Variants in EIPR1 observed in about 807,000 individuals in gnomAD.
EIPR1 encodes the protein EARP and GARP complex-interacting protein 1.
Under a neutral mutation model 48.1 loss-of-function variants are expected in EIPR1, and 25 were observed. That is an observed-to-expected ratio of 0.52 (90% CI 0.38 to 0.73). EIPR1 has a LOEUF of 0.73. Among genes scored for constraint, EIPR1 ranks in the 30% least tolerant of loss-of-function variants. The probability of loss-of-function intolerance (pLI) is 0.00; values close to 1 mark genes in which losing one functional copy is unlikely to be tolerated. For synonymous variants in EIPR1, 204 were observed against 201.9 expected, an observed-to-expected ratio of 1.01 and a Z score of -0.09; for missense variants, 415 against 506.2, an observed-to-expected ratio of 0.82 and a Z score of 1.73.
intron 3 of EIPR1, among the ~76,000 whole-genome samples, chr2:3,264,134 A>G (rs1278319500): frequency 6.6e-6 from 1 of 152,138 alleles, no homozygotes; most frequent in East Asian, 1.9e-4. Flanking sequence ...TTTCACCAAC[A>G]TCTCCCTTTT....
Position 3,214,283 on chromosome 2 carries a change from A to C in EIPR1, c.417-35T>G, listed in dbSNP as rs748961967. On this transcript the variant is annotated intron_variant, in intron 4 of 8. Coordinates refer to ENST00000382125, the MANE Select transcript of EIPR1 (RefSeq NM_003310.5). ...AGAGAAGTACCAAATGTTAACATAA[A>C]CATTTGAGATACCCAGGCTGGTAGG... 4 of 1,586,042 alleles carry C rather than the reference A, an allele frequency of 2.5e-6. No individual in the cohort carries two copies. In the South Asian group the frequency reaches 4.4e-5, roughly 18 times the overall value.
chr2:3,220,919 C>T (rs535518641), intron 4 of EIPR1, among the ~76,000 whole-genome samples: 11 of 149,914 alleles, frequency 7.3e-5, no homozygotes, highest in African/African-American at 2.7e-4. Flanking sequence ...CACACAATGG[C>T]CATGGTACAT....
intron 5 of EIPR1, among the ~76,000 whole-genome samples, chr2:3,204,255 G>A (rs1047612621): frequency 3.3e-5 from 5 of 152,310 alleles, no homozygotes; most frequent in South Asian, 2.1e-4. Context: ...GCAGAAACAG[G>A]ATCTGTCACC....
In EIPR1 at chr2:3,377,796, C is replaced by A. The variant is rs1372678348; in HGVS notation, c.-107G>T. The A allele has an allele frequency of 1.5e-6, 2 of 1,351,478 alleles. No homozygotes were observed. Among genetic ancestry groups the A allele is most frequent in the Non-Finnish European group, 2.0e-6 (2 of 979,800 alleles). 83.7% of individuals were successfully genotyped at this position (1,351,478 alleles called of 1,614,324 possible). A position where few individuals can be genotyped will look rare whatever the true frequency, so the allele number is the denominator to read the frequency against. ...GTTCCCAGCGCCCATTCATTCCCTC[C>A]CCGCAGCAAACGACTCCAAACTGGA... is the stretch of plus-strand genomic sequence containing the variant. On this transcript the variant is annotated 5_prime_UTR_variant, in exon 1 of 9. Coordinates refer to ENST00000382125, the MANE Select transcript of EIPR1 (RefSeq NM_003310.5).
intron 7 of EIPR1, among the ~76,000 whole-genome samples, chr2:3,193,743 A>T (rs968496614): frequency 3.3e-5 from 5 of 152,236 alleles, no homozygotes; most frequent in African/African-American, 1.2e-4. Context: ...ATCTGTGCAC[A>T]TTTATTTTTG....
chr2:3,320,067 A>G (rs897482939), intron 3 of EIPR1: 4 of 179,182 alleles, frequency 2.2e-5, no homozygotes, highest in Admixed American at 6.7e-5. Flanking sequence ...AGGCAGAGCA[A>G]TATCACACCT....
intron 3 of EIPR1, among the ~76,000 whole-genome samples, chr2:3,315,163 T>C: frequency 2.8e-3 from 1 of 356 alleles, no homozygotes; most frequent in Non-Finnish European, 5.6e-3. Context: ...ATGCCTACCA[T>C]CATCACCACC....
intron 3 of EIPR1, chr2:3,274,499 G>A (rs1667790722): frequency 6.7e-7 from 1 of 1,495,290 alleles, no homozygotes; most frequent in Non-Finnish European, 8.9e-7. Flanking sequence ...ATCAAGCCAT[G>A]AGACCCTACT....
chr2:3,239,895 G>C (rs1666538834), intron 4 of EIPR1, among the ~76,000 whole-genome samples: 1 of 152,262 alleles, frequency 6.6e-6, no homozygotes, highest in African/African-American at 2.4e-5. Flanking sequence ...CACATAAACA[G>C]GTCTCTTTGT....
chr2:3,262,101 A>G (rs1667351058), intron 3 of EIPR1: 1 of 152,246 alleles, frequency 6.6e-6, no homozygotes, highest in Non-Finnish European at 1.5e-5. Flanking sequence ...CCTCAGGCAC[A>G]TGATGTGTGT....
intron 1 of EIPR1, among the ~76,000 whole-genome samples, chr2:3,360,125 T>C (rs1440839860): frequency 6.6e-6 from 1 of 152,166 alleles, no homozygotes; most frequent in Non-Finnish European, 1.5e-5. Context: ...AAGGCGAGTC[T>C]AGGCACAGTG....
rs140886822 is a variant in EIPR1, at chr2:3,251,315, G to T, written c.416+5984C>A. 2.9e-3 allele frequency among the ~76,000 whole-genome samples: 436 copies of T among 152,328 alleles called. 1 individual carries two copies. The highest frequency in any genetic ancestry group is 0.01 in the African/African-American group (419 of 41,582). On this transcript the variant is annotated intron_variant, in intron 4 of 8. Transcript: ENST00000382125. ...CACTGTGAGGCTAAAGGGAGGGTGG[G>T]AAGAGGGTCTGTAATTTATTTTTGA...
intron 3 of EIPR1, among the ~76,000 whole-genome samples, chr2:3,294,990 C>T (rs1668503510): frequency 6.1e-5 from 1 of 16,316 alleles, no homozygotes; most frequent in African/African-American, 1.9e-4. Flanking sequence ...TCTCTACACA[C>T]ACACACACAC....
intron 3 of EIPR1, among the ~76,000 whole-genome samples, chr2:3,265,413 T>A (rs904812600): frequency 2.6e-5 from 4 of 152,218 alleles, no homozygotes; most frequent in Admixed American, 6.5e-5. Flanking sequence ...ACTCTGAGGA[T>A]TTCTGTAGCT....
intron 3 of EIPR1, among the ~76,000 whole-genome samples, chr2:3,326,781 C>G (rs1669711053): frequency 1.3e-5 from 2 of 152,156 alleles, no homozygotes; most frequent in Admixed American, 1.3e-4. Context: ...ACCTCAGCAG[C>G]CTTGTTCCCA....
chr2:3,291,964 G>A (rs1668377164), intron 3 of EIPR1, among the ~76,000 whole-genome samples: 1 of 152,236 alleles, frequency 6.6e-6, no homozygotes, highest in Non-Finnish European at 1.5e-5. Context: ...CAGGGGCCCC[G>A]CTGGGCCATC....
In EIPR1 at chr2:3,312,975, G is replaced by C. The variant is rs1669174046; in HGVS notation, c.259+25042C>G. ...AAATTCAAGTTTAACAGGATATCCT[G>C]TGTTTTATCTGACAACCCTACTTCC... On this transcript the variant is annotated intron_variant, in intron 3 of 8. Coordinates refer to ENST00000382125, the MANE Select transcript of EIPR1 (RefSeq NM_003310.5). This position sits in a 1 kb window ranked among gnomAD's most constrained non-coding sequence, Gnocchi z 5.5. 6.6e-6 allele frequency among the ~76,000 whole-genome samples: 1 copy of C among 152,216 alleles called. No homozygotes were observed. The highest frequency in any genetic ancestry group is 2.4e-5 in the African/African-American group (1 of 41,456).
chr2:3,266,228 C>T (rs1024556496), intron 3 of EIPR1, among the ~76,000 whole-genome samples: 1 of 152,164 alleles, frequency 6.6e-6, no homozygotes, highest in African/African-American at 2.4e-5. Context: ...TAATCTGATC[C>T]CCAGCTGGAG....
At chr2:3,209,904 GT>G (rs935067942) in intron 5 of EIPR1, among the ~76,000 whole-genome samples, 54 of 152,122 alleles carry the variant, frequency 3.5e-4, no homozygotes, top group African/African-American at 9.7e-4. Context: ...GGGGCACAGA[GT>G]ATTTTTAGGG....
Sources: allele counts gnomAD v4.1 joint callset (sites outside exome capture counted in the v4.1 genomes callset), GRCh38; gene constraint gnomAD v4.1.1; non-coding constraint Gnocchi (gnomAD v3.1); transcripts MANE v1.5; gene names NCBI Gene and HGNC (gene_info 2026-07-23, HGNC 2026-07-21).